PHF11: variants seen among roughly 807,000 people sequenced by gnomAD.
PHF11 encodes PHD finger protein 11, also known as BRCA1 C-terminus-associated protein.
PHF11 carries 38 observed loss-of-function variants against 40.5 expected under a neutral mutation model. The observed-to-expected ratio is 0.94, with a 90% CI of 0.72 to 1.23. The LOEUF (loss-of-function observed/expected upper bound fraction) is 1.23. PHF11 is among the 50% of genes most tolerant of loss of function. The probability of loss-of-function intolerance (pLI) is 0.00; values close to 1 mark genes in which losing one functional copy is unlikely to be tolerated. For missense variants in PHF11, 369 were observed against 392.4 expected (o/e 0.94, Z 0.50); for synonymous variants, 127 against 138.2 (o/e 0.92, Z 0.57).
intron 4 of PHF11, among the ~76,000 whole-genome samples, chr13:49,519,963 G>C (rs963861943): frequency 1.8e-4 from 27 of 152,168 alleles, no homozygotes; most frequent in Admixed American, 1.3e-3. Context: ...ATCTGAAGAG[G>C]AAGGGAGATG....
intron 1 of PHF11, among the ~76,000 whole-genome samples, chr13:49,501,570 C>G (rs959136086): frequency 4.6e-5 from 7 of 152,126 alleles, no homozygotes; most frequent in Admixed American, 3.9e-4. Flanking sequence ...ACAGATCCAA[C>G]TATATGAAAA....
intron 8 of PHF11, chr13:49,525,693 CA>C: frequency 2.5e-6 from 1 of 404,756 alleles, no homozygotes; most frequent in South Asian, 1.8e-5. Flanking sequence ...TTCTATAGGG[CA>C]AAACCAAAAA....
Position 49,495,959 on chromosome 13 carries a change from G to A in PHF11, c.-43G>A, listed in dbSNP as rs1214216128. 1 of 1,326,510 alleles carries A rather than the reference G, an allele frequency of 7.5e-7. No individual in the cohort carries two copies. Among genetic ancestry groups the A allele is most frequent in the Non-Finnish European group, 1.0e-6 (1 of 972,876 alleles). 82.2% of individuals were successfully genotyped at this position (1,326,510 alleles called of 1,614,324 possible). ...AACCTAGTGCAGCTGGGGCACTTCC[G>A]GGATCTCGCTATCCGGCCGCCACCC... On this transcript the variant is annotated 5_prime_UTR_variant, in exon 1 of 10. Transcript: ENST00000378319.
intron 1 of PHF11, among the ~76,000 whole-genome samples, chr13:49,500,995 C>CTTTTTTTTTTTTTTTTTTTTTTT (rs1369748973): frequency 1.0e-5 from 1 of 98,438 alleles, no homozygotes; most frequent in African/African-American, 5.4e-5. Flanking sequence ...GAGTCACCAA[C>CTTTTTTTTTTTTTTTTTTTTTTT]TTTTGTTTTT....
chr13:49,506,113 T>C (rs764541086), intron 1 of PHF11, among the ~76,000 whole-genome samples: 74 of 152,238 alleles, frequency 4.9e-4, no homozygotes, highest in Non-Finnish European at 9.7e-4. Context: ...CTTCCTCATT[T>C]TGGCCAGGCA....
intron 9 of PHF11, 61 bp downstream of exon 9, chr13:49,526,519 A>T: frequency 3.3e-6 from 3 of 906,138 alleles, no homozygotes; most frequent in Non-Finnish European, 5.6e-6. Flanking sequence ...CACGATATTG[A>T]AACAATATAC....
intron 2 of PHF11, 81 bp downstream of exon 2, chr13:49,506,837 G>A (rs915696936): frequency 8.3e-5 from 73 of 876,764 alleles, no homozygotes; most frequent in Non-Finnish European, 1.2e-4. Flanking sequence ...CAACACTTTG[G>A]ACACAAAGAA....
intron 2 of PHF11, 53 bp from the exon 3 acceptor site, chr13:49,513,006 T>C (rs2247119): frequency 0.28 from 235,083 of 851,258 alleles, 34,490 homozygotes; most frequent in East Asian, 0.37. Context: ...TTCTGACATG[T>C]AGCTTTCAAT....
At chr13:49,524,508 C>G (rs1488403276) in intron 8 of PHF11, among the ~76,000 whole-genome samples, 59 of 149,488 alleles carry the variant, frequency 3.9e-4, no homozygotes, top group Non-Finnish European at 1.5e-5. Flanking sequence ...GAGTTTCGCC[C>G]TTGTTGCCCA....
Position 49,528,890 on chromosome 13 carries a change from G to T in PHF11, c.*225G>T. ...CCTAGTATGCTCAGTAAATGTTTGTGGAATAAGTGCATAAAATGTTCTTAA... is the reference window on the plus strand; with the variant it reads ...CCTAGTATGCTCAGTAAATGTTTGTTGAATAAGTGCATAAAATGTTCTTAA... On this transcript the variant is annotated 3_prime_UTR_variant, in exon 10 of 10. Coordinates refer to ENST00000378319, the MANE Select transcript of PHF11 (RefSeq NM_001040443.3). The T allele has an allele frequency of 2.4e-6, 1 of 412,690 alleles. No individual in the cohort carries two copies. Among genetic ancestry groups the T allele is most frequent in the Non-Finnish European group, 4.3e-6 (1 of 232,924 alleles). 25.6% of individuals were successfully genotyped at this position (412,690 alleles called of 1,614,324 possible). A position where few individuals can be genotyped will look rare whatever the true frequency, so the allele number is the denominator to read the frequency against.
intron 2 of PHF11, among the ~76,000 whole-genome samples, chr13:49,511,349 G>A (rs562168464): frequency 1.7e-5 from 2 of 115,578 alleles, no homozygotes; most frequent in East Asian, 3.0e-4. Context: ...TTTTTGAGAC[G>A]GAGTTTCGCT....
intron 7 of PHF11, 133 bp downstream of exon 7, chr13:49,523,374 C>A (rs1172845045): frequency 4.6e-6 from 3 of 649,322 alleles, no homozygotes; most frequent in Non-Finnish European, 8.3e-6. Context: ...GAGTATAAAT[C>A]TTTATCGCAA....
chr13:49,511,845 T>C (rs1959086648), intron 2 of PHF11, among the ~76,000 whole-genome samples: 1 of 152,246 alleles, frequency 6.6e-6, no homozygotes, highest in East Asian at 1.9e-4. Flanking sequence ...GGATATATTG[T>C]ATGTGGACAA....
chr13:49,514,762 TAAA>T (rs10715395), intron 3 of PHF11, among the ~76,000 whole-genome samples: 10 of 143,778 alleles, frequency 7.0e-5, no homozygotes, highest in African/African-American at 1.0e-4. Context: ...TGTCTCAAAT[TAAA>T]AAAAAAAAAA....
intron 1 of PHF11, among the ~76,000 whole-genome samples, chr13:49,501,670 T>G (rs1186223089): frequency 6.6e-6 from 1 of 152,146 alleles, no homozygotes; most frequent in African/African-American, 2.4e-5. Context: ...TGTTCATGAA[T>G]AGTTTAATTC....
intron 1 of PHF11, among the ~76,000 whole-genome samples, chr13:49,499,764 A>G (rs1318413387): frequency 6.6e-6 from 1 of 152,260 alleles, no homozygotes; most frequent in East Asian, 1.9e-4. Context: ...CACTAATGAT[A>G]AAAGGAGAAG....
chr13:49,507,387 A>G (rs1483616217), intron 2 of PHF11, among the ~76,000 whole-genome samples: 3 of 152,166 alleles, frequency 2.0e-5, no homozygotes, highest in African/African-American at 7.2e-5. Flanking sequence ...TGACTATATT[A>G]CCATTAACTG....
intron 2 of PHF11, 61 bp from the exon 3 acceptor site, chr13:49,512,998 C>G: frequency 1.2e-6 from 1 of 819,652 alleles, no homozygotes; most frequent in African/African-American, 1.7e-5. Context: ...GTATGATTTT[C>G]TGACATGTAG....
intron 4 of PHF11, among the ~76,000 whole-genome samples, chr13:49,519,639 C>G (rs1959178062): frequency 6.6e-6 from 1 of 151,202 alleles, no homozygotes; most frequent in African/African-American, 2.4e-5. Context: ...TCAATGCAAA[C>G]AGAAGCACAT....
Sources: gnomAD v4.1 joint callset for allele counts (sites outside exome capture counted in the v4.1 genomes callset) on GRCh38, gnomAD v4.1.1 for gene constraint, MANE v1.5 for transcripts, NCBI Gene and HGNC (gene_info 2026-07-23, HGNC 2026-07-21) for gene names.